Variants in CCDC148 observed in about 807,000 individuals in gnomAD.
CCDC148 encodes the protein coiled-coil domain-containing protein 148.
Under a neutral mutation model 85.7 loss-of-function variants are expected in CCDC148, and 89 were observed. The observed-to-expected ratio is 1.04, with a 90% CI of 0.87 to 1.24. CCDC148 has a LOEUF of 1.24. Among genes scored for constraint, CCDC148 ranks in the 50% most tolerant of loss-of-function variants. The probability of loss-of-function intolerance (pLI) is 0.00; values close to 1 mark genes in which losing one functional copy is unlikely to be tolerated. For missense variants in CCDC148, 692 were observed against 671.7 expected (o/e 1.03, Z -0.33); for synonymous variants, 230 against 213.9 (o/e 1.08, Z -0.66).
intron 2 of CCDC148, among the ~76,000 whole-genome samples, chr2:158,351,244 A>C (rs1683256589): frequency 6.6e-6 from 1 of 152,248 alleles, no homozygotes; most frequent in Admixed American, 6.5e-5. Context: ...AAGATGGCCG[A>C]ATAGGAACAG....
chr2:158,182,843 G>T (rs1445278162), intron 11 of CCDC148, among the ~76,000 whole-genome samples: 1 of 152,102 alleles, frequency 6.6e-6, no homozygotes, highest in Admixed American at 6.6e-5. Context: ...AAAACTCCTG[G>T]GAGGAAGCCA....
chr2:158,399,315 C>T (rs1685669062), intron 1 of CCDC148, among the ~76,000 whole-genome samples: 1 of 152,072 alleles, frequency 6.6e-6, no homozygotes, highest in Non-Finnish European at 1.5e-5. Flanking sequence ...GGCAGAGACA[C>T]ACACACAAAA....
At chr2:158,281,886 C>T (rs1298892905) in intron 9 of CCDC148, among the ~76,000 whole-genome samples, 2 of 152,068 alleles carry the variant, frequency 1.3e-5, no homozygotes, top group Non-Finnish European at 2.9e-5. Context: ...CAATAAAATA[C>T]TGGCAAACCG....
chr2:158,285,433 A>G (rs1464914120), intron 9 of CCDC148, among the ~76,000 whole-genome samples: 1 of 152,138 alleles, frequency 6.6e-6, no homozygotes, highest in Non-Finnish European at 1.5e-5. Context: ...GAAGGTAAAC[A>G]TAGAATCAGA....
At chr2:158,328,075 C>A (rs930680020) in intron 7 of CCDC148, among the ~76,000 whole-genome samples, 1 of 151,564 alleles carries the variant, frequency 6.6e-6, no homozygotes, top group African/African-American at 2.4e-5. Flanking sequence ...GCAGGTTAGT[C>A]ATGTATGTAT....
intron 10 of CCDC148, among the ~76,000 whole-genome samples, chr2:158,231,337 A>G (rs1687849550): frequency 6.6e-6 from 1 of 152,120 alleles, no homozygotes; most frequent in Non-Finnish European, 1.5e-5. Context: ...ACCTCCTCAA[A>G]TCTTCTCCTG....
At chr2:158,224,120 T>C (rs191892697) in intron 10 of CCDC148, among the ~76,000 whole-genome samples, 104 of 151,944 alleles carry the variant, frequency 6.8e-4, no homozygotes, top group African/African-American at 2.5e-3. Context: ...AGAGAAGGCC[T>C]TAAAGGACCT....
intron 11 of CCDC148, among the ~76,000 whole-genome samples, chr2:158,198,337 G>C (rs1220011287): frequency 6.6e-6 from 1 of 152,134 alleles, no homozygotes; most frequent in African/African-American, 2.4e-5. Flanking sequence ...TGTATCCCAA[G>C]GTAGTAGACA....
At chr2:158,217,310 GTATATATATATATATATAATTTTGTGTA>G (rs1686914811) in intron 11 of CCDC148, among the ~76,000 whole-genome samples, 4 of 109,648 alleles carry the variant, frequency 3.6e-5, no homozygotes, top group African/African-American at 1.0e-4. Flanking sequence ...ATTTATGTAG[GTATATATATATATATATAATTTTGTGTA>G]TATATATATA....
At chr2:158,242,072 C>T (rs1281326338) in intron 10 of CCDC148, among the ~76,000 whole-genome samples, 1 of 149,558 alleles carries the variant, frequency 6.7e-6, no homozygotes, top group Non-Finnish European at 1.5e-5. Context: ...GTAATTAGAA[C>T]ATTTCTTCTT....
intron 11 of CCDC148, among the ~76,000 whole-genome samples, chr2:158,193,240 T>A (rs1685502677): frequency 6.6e-6 from 1 of 152,146 alleles, no homozygotes; most frequent in Non-Finnish European, 1.5e-5. Flanking sequence ...ATGTGCATTC[T>A]TCAATTCCAG....
chr2:158,207,112 T>G (rs951703375), intron 11 of CCDC148, among the ~76,000 whole-genome samples: 3 of 152,230 alleles, frequency 2.0e-5, no homozygotes, highest in African/African-American at 7.2e-5. Context: ...ACACTGTTTT[T>G]GGGCCAACTG....
intron 9 of CCDC148, among the ~76,000 whole-genome samples, chr2:158,262,538 T>C (rs955021859): frequency 2.6e-5 from 4 of 151,962 alleles, no homozygotes; most frequent in African/African-American, 9.7e-5. Context: ...AAGAACTACC[T>C]GAGACTGGGT....
intron 1 of CCDC148, among the ~76,000 whole-genome samples, chr2:158,398,564 G>A (rs1685632121): frequency 6.6e-6 from 1 of 152,106 alleles, no homozygotes; most frequent in Non-Finnish European, 1.5e-5. Context: ...AAATAAAGAT[G>A]TTCTTTGAAA....
At chr2:158,387,824 T>C (rs955200987) in intron 1 of CCDC148, among the ~76,000 whole-genome samples, 1 of 152,122 alleles carries the variant, frequency 6.6e-6, no homozygotes, top group Non-Finnish European at 1.5e-5. Flanking sequence ...CTGACACCCA[T>C]ATCAGGCCGC....
intron 9 of CCDC148, among the ~76,000 whole-genome samples, chr2:158,251,676 A>C (rs1011870113): frequency 6.6e-6 from 1 of 151,864 alleles, no homozygotes. Context: ...TGGTTCTTTT[A>C]TACAATGACT....
intron 1 of CCDC148, among the ~76,000 whole-genome samples, chr2:158,371,130 T>A (rs1388536343): frequency 6.6e-6 from 1 of 151,976 alleles, no homozygotes; most frequent in Non-Finnish European, 1.5e-5. Flanking sequence ...GTATGCCTAT[T>A]TTACCAATTA....
At position 158,278,407 on chromosome 2, in the gene CCDC148, C is replaced by T. The variant is rs751418716; in HGVS notation, c.1111-27495G>A. 9.2e-5 allele frequency among the ~76,000 whole-genome samples: 14 copies of T among 152,154 alleles called. 1 individual carries two copies. The highest frequency in any genetic ancestry group is 1.5e-4 in the Non-Finnish European group (10 of 68,024). On this transcript the variant is annotated intron_variant, in intron 9 of 13. Transcript: ENST00000283233. ...GGGTGACAGACGGCACCTGGAAAAT[C>T]GGGTCACTCCCACCCTAATACCGCA...
intron 1 of CCDC148, among the ~76,000 whole-genome samples, chr2:158,422,511 A>G (rs1686849687): frequency 6.6e-6 from 1 of 152,194 alleles, no homozygotes; most frequent in Non-Finnish European, 1.5e-5. Flanking sequence ...GACGCAGAAA[A>G]GGCCTTTGAC....
Sources: gnomAD v4.1 joint callset for allele counts (sites outside exome capture counted in the v4.1 genomes callset) on GRCh38, gnomAD v4.1.1 for gene constraint, MANE v1.5 for transcripts, NCBI Gene and HGNC (gene_info 2026-07-23, HGNC 2026-07-21) for gene names.